CSNK1A1: variants seen among roughly 807,000 people sequenced by gnomAD.
CSNK1A1 encodes casein kinase I isoform alpha.
A neutral mutation model predicts 46.1 loss-of-function variants in CSNK1A1; 7 were observed. The observed-to-expected ratio is 0.15, with a 90% CI of 0.09 to 0.29. The LOEUF is 0.29. CSNK1A1 is among the 10% of genes least tolerant of loss of function. The probability of loss-of-function intolerance (pLI) is 1.00; values close to 1 mark genes in which losing one functional copy is unlikely to be tolerated. For synonymous variants in CSNK1A1, 137 were observed against 141.5 expected, an observed-to-expected ratio of 0.97 and a Z score of 0.23; for missense variants, 96 against 417.1, an observed-to-expected ratio of 0.23 and a Z score of 6.71.
At chr5:149,539,365 C>A (rs965289478) in intron 2 of CSNK1A1, among the ~76,000 whole-genome samples, 6 of 151,610 alleles carry the variant, frequency 4.0e-5, no homozygotes, top group African/African-American at 1.5e-4. Context: ...ACTTAGAAGG[C>A]TGAGATAGGA....
At chr5:149,498,951 G>C (rs1760739014) in intron 9 of CSNK1A1, 8 of 985,368 alleles carry the variant, frequency 8.1e-6, no homozygotes, top group Non-Finnish European at 9.6e-6. Flanking sequence ...CAATTGTTTA[G>C]AAACTGGTAA....
chr5:149,542,624 A>ATATACATGTATGTG (rs1762296523), intron 2 of CSNK1A1, among the ~76,000 whole-genome samples: 2 of 13,708 alleles, frequency 1.5e-4, no homozygotes, highest in African/African-American at 1.1e-3. Flanking sequence ...ATATATATAT[A>ATATACATGTATGTG]TATATATATA....
At chr5:149,499,736 T>C (rs988487213) in intron 9 of CSNK1A1, among the ~76,000 whole-genome samples, 16 of 152,108 alleles carry the variant, frequency 1.1e-4, no homozygotes, top group African/African-American at 3.6e-4. Context: ...TCTGTTCTTA[T>C]TCGTAAATTA....
chr5:149,538,425 T>C (rs1056840777), intron 2 of CSNK1A1, among the ~76,000 whole-genome samples: 33 of 152,198 alleles, frequency 2.2e-4, no homozygotes, highest in African/African-American at 7.2e-4. Flanking sequence ...TACAAGGTGT[T>C]GTATGTTAAA....
intron 9 of CSNK1A1, chr5:149,497,485 C>T: frequency 1.0e-6 from 1 of 985,754 alleles, no homozygotes; most frequent in Non-Finnish European, 1.2e-6. Context: ...ACTTCTCAAG[C>T]CTACACATTC....
Position 149,550,018 on chromosome 5 carries a change from C to A in CSNK1A1, c.230+57G>T. 6.3e-7 allele frequency: 1 copy of A among 1,580,196 alleles called. No individual in the cohort carries two copies. Among genetic ancestry groups the A allele is most frequent in the Non-Finnish European group, 8.6e-7 (1 of 1,159,760 alleles). On this transcript the variant is annotated intron_variant, in intron 2 of 9. Transcript: ENST00000377843. This position sits in a 1 kb window ranked among gnomAD's most constrained non-coding sequence, Gnocchi z 4.3. ...AGCTGGTCTCATTACCTGCCTCTAC[C>A]CACTTCCCCATTCCGTGCTTCCCTC...
chr5:149,496,951 C>T (rs1760672276), intron 9 of CSNK1A1, 91 bp from the exon 10 acceptor site: 2 of 1,500,498 alleles, frequency 1.3e-6, no homozygotes, highest in Non-Finnish European at 1.8e-6. Flanking sequence ...TGGAACTGAG[C>T]CAATAATTAT....
chr5:149,535,269 TC>T (rs894781602), intron 2 of CSNK1A1, among the ~76,000 whole-genome samples: 2 of 152,220 alleles, frequency 1.3e-5, no homozygotes, highest in African/African-American at 4.8e-5. Flanking sequence ...CAATTTACTT[TC>T]TCCACTATCA....
intron 2 of CSNK1A1, among the ~76,000 whole-genome samples, chr5:149,540,622 T>C (rs976989026): frequency 6.6e-6 from 1 of 152,056 alleles, no homozygotes; most frequent in African/African-American, 2.4e-5. Context: ...AAATAAGGCT[T>C]AGCTGTAATC....
Position 149,542,690 on chromosome 5 carries a change from ATAT to A in CSNK1A1, c.230+7382_230+7384del, listed in dbSNP as rs1298175931. 7.1e-3 allele frequency among the ~76,000 whole-genome samples: 131 copies of A among 18,454 alleles called. 16 individuals carry two copies. Among genetic ancestry groups the A allele is most frequent in the African/African-American group, 0.01 (40 of 3,926 alleles). The allele number at this position is 18,454 out of a possible 152,430, so 12.1% of individuals were successfully genotyped here. ...TATATATGTATATATATATATATATATATTTTTTTTTTTTTTTTTTTTTGAGAC... is the reference window on the plus strand; with the variant it reads ...TATATATGTATATATATATATATATATTTTTTTTTTTTTTTTTTTTGAGAC... On this transcript the variant is annotated intron_variant, in intron 2 of 9. Transcript: ENST00000377843.
At chr5:149,543,783 GA>G (rs1353899610) in intron 2 of CSNK1A1, among the ~76,000 whole-genome samples, 1 of 152,148 alleles carries the variant, frequency 6.6e-6, no homozygotes, top group Non-Finnish European at 1.5e-5. Context: ...AGCTACTCAG[GA>G]GGCTAAGAGG....
Position 149,498,121 on chromosome 5 carries a change from C to A in CSNK1A1, c.1007-1261G>T, listed in dbSNP as rs149727538. 45 of 985,334 alleles carry A rather than the reference C, an allele frequency of 4.6e-5. 1 individual carries two copies. In the East Asian group the frequency reaches 4.5e-3, roughly 99 times the overall value. The allele number at this position is 985,334 out of a possible 1,614,324, so 61.0% of individuals were successfully genotyped here. The stretch of plus-strand genomic sequence containing the variant: ...TGTGGGGGTTACAGGTGGGAGCCAC[C>A]GTGCCCAGCTTCTTTTACTTTTTAA... On this transcript the variant is annotated intron_variant, in intron 9 of 9. Coordinates refer to ENST00000377843, the MANE Select transcript of CSNK1A1 (RefSeq NM_001892.6).
At chr5:149,518,571 T>G (rs1057117298) in intron 4 of CSNK1A1, among the ~76,000 whole-genome samples, 1 of 152,126 alleles carries the variant, frequency 6.6e-6, no homozygotes, top group Non-Finnish European at 1.5e-5. Flanking sequence ...TAATCTAAAA[T>G]GTTCAAGAGC....
At chr5:149,509,482 T>C (rs374328762) in intron 7 of CSNK1A1, among the ~76,000 whole-genome samples, 4 of 152,238 alleles carry the variant, frequency 2.6e-5, no homozygotes, top group East Asian at 3.9e-4. Flanking sequence ...ACCACTGCAA[T>C]TGGAGCCTCC....
chr5:149,524,919 T>C (rs1232655097), intron 3 of CSNK1A1, 126 bp downstream of exon 3: 3 of 784,752 alleles, frequency 3.8e-6, no homozygotes, highest in Non-Finnish European at 1.9e-6. Context: ...CACATTATTA[T>C]TTTTTTTCTG....
At chr5:149,514,078 A>G (rs1317850372) in intron 4 of CSNK1A1, among the ~76,000 whole-genome samples, 2 of 152,214 alleles carry the variant, frequency 1.3e-5, no homozygotes, top group East Asian at 3.8e-4. Context: ...CAAATGGGTC[A>G]GGTTAAACTT....
chr5:149,507,229 G>T, intron 7 of CSNK1A1, 96 bp from the exon 8 acceptor site: 1 of 917,842 alleles, frequency 1.1e-6, no homozygotes, highest in Non-Finnish European at 1.6e-6. Flanking sequence ...TTTTTGGGCG[G>T]GATATTTTAC....
At position 149,509,875 on chromosome 5, in the gene CSNK1A1, T is replaced by C. The variant is rs1363253590; in HGVS notation, c.750+4A>G. On this transcript the variant is annotated splice_donor_region_variant and intron_variant, in intron 7 of 9. Coordinates refer to ENST00000377843, the MANE Select transcript of CSNK1A1 (RefSeq NM_001892.6). The stretch of plus-strand genomic sequence containing the variant: ...TTTTTTTAATATTCATCATGCATAC[T>C]TACCTTACATAAAACTTCAACAGGC... The C allele has an allele frequency of 1.2e-6, 2 of 1,601,538 alleles. No individual in the cohort carries two copies. The highest frequency in any genetic ancestry group is 2.7e-5 in the African/African-American group (2 of 74,586).
At chr5:149,504,332 C>G in intron 9 of CSNK1A1, 1 of 981,154 alleles carries the variant, frequency 1.0e-6, no homozygotes. Flanking sequence ...TGAAAAGTAT[C>G]TTCAGATTAG....
Sources: gnomAD v4.1 joint callset for allele counts (sites outside exome capture counted in the v4.1 genomes callset) on GRCh38, gnomAD v4.1.1 for gene constraint, Gnocchi (gnomAD v3.1) non-coding constraint, MANE v1.5 for transcripts, NCBI Gene and HGNC (gene_info 2026-07-23, HGNC 2026-07-21) for gene names.